Variants in ANKRD52 observed in about 807,000 individuals in gnomAD.
ANKRD52 encodes the protein ankyrin repeat domain 52.
In ANKRD52, 7 loss-of-function variants were observed where a neutral mutation model predicts 116.0. The ratio of observed to expected loss-of-function variants is 0.06; its 90% confidence interval spans 0.03 to 0.11. The LOEUF (loss-of-function observed/expected upper bound fraction) is 0.11, where lower values mean the gene tolerates loss of function less well. ANKRD52 is among the 10% of genes least tolerant of loss of function. ANKRD52 has a pLI of 1.00. For synonymous variants in ANKRD52, 528 were observed against 578.1 expected (o/e 0.91, Z 1.24); for missense variants, 839 against 1,408.6 (o/e 0.60, Z 6.47).
chr12:56,251,924 G>C, intron 15 of ANKRD52, 91 bp downstream of exon 15: 1 of 1,394,082 alleles, frequency 7.2e-7, no homozygotes, highest in Admixed American at 1.8e-5. Flanking sequence ...AGCAGTATAG[G>C]GTAGAGGTTC....
In ANKRD52 at chr12:56,245,029, G is replaced by A. The variant is rs762124991; in HGVS notation, c.2493-40C>T. ...AGGAGGGGTCATCAGGAAGGACAAGGGAAGTAGACTACCTGTCCTAAGCTC... is the reference window on the plus strand; with the variant it reads ...AGGAGGGGTCATCAGGAAGGACAAGAGAAGTAGACTACCTGTCCTAAGCTC... On this transcript the variant is annotated intron_variant, in intron 22 of 27. Coordinates refer to ENST00000267116, the MANE Select transcript of ANKRD52 (RefSeq NM_173595.4). 6 of 1,612,202 alleles carry A rather than the reference G, an allele frequency of 3.7e-6. No individual in the cohort carries two copies. In the East Asian group the frequency reaches 1.1e-4, roughly 30 times the overall value.
Position 56,243,705 on chromosome 12 carries a change from G to T in ANKRD52, c.2980+80C>A. On this transcript the variant is annotated intron_variant, in intron 27 of 27. Transcript: ENST00000267116. This position sits in a 1 kb window ranked among gnomAD's most constrained non-coding sequence, Gnocchi z 4.6. ...CCTTGGGAAGAAAATCCCATGTATAGCAAGATTAAGAAGTCACCTCCTGAA... is the reference window on the plus strand; with the variant it reads ...CCTTGGGAAGAAAATCCCATGTATATCAAGATTAAGAAGTCACCTCCTGAA... 1 of 1,393,110 alleles carries T rather than the reference G, an allele frequency of 7.2e-7. No homozygotes were observed. Among genetic ancestry groups the T allele is most frequent in the Non-Finnish European group, 9.9e-7 (1 of 1,009,334 alleles). 86.3% of individuals were successfully genotyped at this position (1,393,110 alleles called of 1,614,324 possible). A position where few individuals can be genotyped will look rare whatever the true frequency, so the allele number is the denominator to read the frequency against.
chr12:56,257,932 C>CT, intron 1 of ANKRD52, 21 bp from the exon 2 acceptor site: 1 of 1,518,290 alleles, frequency 6.6e-7, no homozygotes, highest in Non-Finnish European at 9.0e-7. Context: ...AACCGGCATT[C>CT]TGAGAGCGGG....
At chr12:56,247,836 C>G (rs1871490295) in intron 18 of ANKRD52, 62 bp from the exon 19 acceptor site, 1 of 1,530,972 alleles carries the variant, frequency 6.5e-7, no homozygotes, top group Non-Finnish European at 8.9e-7. Flanking sequence ...CAAGGTCAAG[C>G]CTAAAGGACT....
At position 56,248,088 on chromosome 12, in the gene ANKRD52, G is replaced by T. The variant is rs747561006; in HGVS notation, c.1913C>A (p.Thr638Lys). 6.2e-7 allele frequency: 1 copy of T among 1,612,858 alleles called. No individual in the cohort carries two copies. The highest frequency in any genetic ancestry group is 1.3e-5 in the African/African-American group (1 of 74,944). The change falls in exon 18 of 28, where the codon ACA becomes AAA. Residue 638 changes from threonine (T) to lysine (K), a missense_variant. Around this residue, in one of 2 missense-constraint regions of ANKRD52, gnomAD observed 552 missense variants for 810.6 expected, o/e 0.68. Coordinates refer to ENST00000267116, the MANE Select transcript of ANKRD52 (RefSeq NM_173595.4). This position sits in a 1 kb window ranked among gnomAD's most constrained non-coding sequence, Gnocchi z 5.1. The part of the protein sequence containing the change: ...RGSTECVEVL[T>K]AHGASALIKE... ...GATGAGGGCAGAGGCGCCGTGGGCT[G>T]TAAGCACCTCCACACACTCAGTAGA...
At position 56,252,202 on chromosome 12, in the gene ANKRD52, T is replaced by C; in HGVS notation, c.1484A>G (p.Tyr495Cys). 1 of 1,613,916 alleles carries C rather than the reference T, an allele frequency of 6.2e-7. No individual in the cohort carries two copies. The highest frequency in any genetic ancestry group is 8.5e-7 in the Non-Finnish European group (1 of 1,179,862). The change falls in exon 14 of 28, where the codon TAC (tyrosine) becomes TGC (cysteine). Residue 495 changes from tyrosine (Y) to cysteine (C), a missense_variant. Physicochemically the swap from Tyr to Cys is radical, Grantham distance 194. Around this residue, in one of 2 missense-constraint regions of ANKRD52, gnomAD observed 552 missense variants for 810.6 expected, o/e 0.68. Coordinates refer to ENST00000267116, the MANE Select transcript of ANKRD52 (RefSeq NM_173595.4). This position sits in a 1 kb window ranked among gnomAD's most constrained non-coding sequence, Gnocchi z 4.7. ...ADCKGCSPLH[Y>C]AAASDTYRRA... ...CCTGTAAGTGTCAGAAGCGGCAGCG[T>C]AGTGGAGGGGAGAGCAGCCTTTACA...
Position 56,257,903 on chromosome 12 carries a change from CA to C in ANKRD52, c.35del (p.Leu12ArgfsTer40). On this transcript the variant is annotated frameshift_variant, in exon 2 of 28. Transcript: ENST00000267116. LOFTEE classifies it high-confidence loss of function. Reference sequence around the variant, plus strand: ...CATCTCGGCTAAAGATGGCCTGGACCAGGGGCGGCTGCAGAGAGAACCGGCA... The same window carrying C: ...CATCTCGGCTAAAGATGGCCTGGACCGGGGCGGCTGCAGAGAGAACCGGCA... ...GILSITDQPP[L>X]VQAIFSRDVE... 6.2e-7 allele frequency: 1 copy of C among 1,607,618 alleles called. No individual in the cohort carries two copies. The highest frequency in any genetic ancestry group is 8.5e-7 in the Non-Finnish European group (1 of 1,178,116).
Position 56,243,845 on chromosome 12 carries a change from C to T in ANKRD52, c.2920G>A (p.Ala974Thr). Residue 974 changes from alanine (A) to threonine (T), a missense_variant, in exon 27 of 28, where the codon GCT becomes ACT. Physicochemically the swap from Ala to Thr is moderately conservative, Grantham distance 58. This residue lies in a region of ANKRD52 where 552 missense variants were observed against 810.6 expected (regional missense o/e 0.68). Coordinates refer to ENST00000267116, the MANE Select transcript of ANKRD52 (RefSeq NM_173595.4). This position sits in a 1 kb window ranked among gnomAD's most constrained non-coding sequence, Gnocchi z 4.6. ...CTCAGCAGGGCCTGTACCACAGAAG[C>T]TAGACCATTCCGGGCAGCAATGTGG... is the stretch of plus-strand genomic sequence containing the variant. ...PLHIAARNGL[A>T]SVVQALLSHG... 1 of 1,566,790 alleles carries T rather than the reference C, an allele frequency of 6.4e-7. No individual in the cohort carries two copies. Among genetic ancestry groups the T allele is most frequent in the Non-Finnish European group, 8.7e-7 (1 of 1,155,432 alleles).
At chr12:56,251,243 T>TTTTTAA (rs962270253) in intron 15 of ANKRD52, among the ~76,000 whole-genome samples, 1 of 151,362 alleles carries the variant, frequency 6.6e-6, no homozygotes, top group South Asian at 2.1e-4. Flanking sequence ...ACCCGGCCTA[T>TTTTTAA]TTTTAATTTT....
chr12:56,246,971 A>G (rs1871437626), intron 20 of ANKRD52, among the ~76,000 whole-genome samples: 1 of 131,486 alleles, frequency 7.6e-6, no homozygotes, highest in African/African-American at 2.8e-5. Context: ...TAATAATAAT[A>G]ATAAACAAAG....
intron 4 of ANKRD52, 92 bp downstream of exon 4, chr12:56,256,923 T>C (rs765710650): frequency 6.6e-6 from 9 of 1,366,306 alleles, no homozygotes; most frequent in Non-Finnish European, 6.9e-6. Context: ...GAACAGCTTG[T>C]AGGGCTGAGG....
Position 56,254,950 on chromosome 12 carries a change from C to T in ANKRD52, c.465G>A (p.Thr155=), listed in dbSNP as rs558536946. ...CTCCCTTGTTGAGGAGCAGGTTCAC[C>T]GTCTGCATCAGGATATGAAAGACAC... is the stretch of plus-strand genomic sequence containing the variant. ...HHAVHSGHLE[T]VNLLLNKGAS... Residue 155 remains threonine, a splice_region_variant and synonymous_variant, in exon 6 of 28, where the codon ACG becomes ACA. Coordinates refer to ENST00000267116, the MANE Select transcript of ANKRD52 (RefSeq NM_173595.4). The surrounding 1 kb of genome is among the most constrained non-coding windows in gnomAD (Gnocchi z 4.6). 2.9e-5 allele frequency: 46 copies of T among 1,612,344 alleles called. No individual in the cohort carries two copies. The Admixed American group carries it at 3.5e-4, about 12-fold the overall frequency.
chr12:56,252,593 G>C lies in ANKRD52; in HGVS notation c.1302-23C>G. 1.2e-6 allele frequency: 2 copies of C among 1,611,646 alleles called. No individual in the cohort carries two copies. Among genetic ancestry groups the C allele is most frequent in the Non-Finnish European group, 1.7e-6 (2 of 1,178,122 alleles). The stretch of plus-strand genomic sequence containing the variant: ...TTCCTAAAAGAAAGATGTGTTAAGA[G>C]AGTTACAGCCTCAAAGGGAAGCCAC... On this transcript the variant is annotated intron_variant, in intron 12 of 27. Transcript: ENST00000267116. The surrounding 1 kb of genome is among the most constrained non-coding windows in gnomAD (Gnocchi z 4.7).
At chr12:56,247,373 A>G (rs1431774976) in intron 20 of ANKRD52, 120 bp downstream of exon 20, 5 of 860,880 alleles carry the variant, frequency 5.8e-6, no homozygotes, top group African/African-American at 1.7e-5. Flanking sequence ...AAGAAAAAGA[A>G]AAAAGACGGC....
chr12:56,245,656 T>C (rs1465312598), intron 20 of ANKRD52, 60 bp from the exon 21 acceptor site: 1 of 1,510,588 alleles, frequency 6.6e-7, no homozygotes, highest in African/African-American at 1.4e-5. Flanking sequence ...ACTGGCCTGT[T>C]GCTGGAGTCT....
At position 56,252,328 on chromosome 12, in the gene ANKRD52, T is replaced by A; in HGVS notation, c.1371-13A>T. On this transcript the variant is annotated splice_polypyrimidine_tract_variant and intron_variant, in intron 13 of 27. Transcript: ENST00000267116. The surrounding 1 kb of genome is among the most constrained non-coding windows in gnomAD (Gnocchi z 4.7). ...GTGCAGTGGGGTCCTGGGGAAGAAG[T>A]GAAGGAGGGTGGGGAAGAGAATCAG... 1 of 1,613,012 alleles carries A rather than the reference T, an allele frequency of 6.2e-7. No homozygotes were observed. The highest frequency in any genetic ancestry group is 1.1e-5 in the South Asian group (1 of 91,068).
Position 56,248,380 on chromosome 12 carries a change from C to G in ANKRD52, c.1776+115G>C. 1 of 1,413,862 alleles carries G rather than the reference C, an allele frequency of 7.1e-7. No homozygotes were observed. Among genetic ancestry groups the G allele is most frequent in the Non-Finnish European group, 9.8e-7 (1 of 1,021,900 alleles). The allele number at this position is 1,413,862 out of a possible 1,614,324, so 87.6% of individuals were successfully genotyped here. On this transcript the variant is annotated intron_variant, in intron 17 of 27. Transcript: ENST00000267116. This position sits in a 1 kb window ranked among gnomAD's most constrained non-coding sequence, Gnocchi z 5.1. ...GCTTCCTACCCTGCACTGTGCTTAT[C>G]CCCTCTCCCACAAAAAGGCAGAAGG...
At position 56,255,718 on chromosome 12, in the gene ANKRD52, G is replaced by A. The variant is rs1289571967; in HGVS notation, c.462+66C>T. ...TCAGGCTTGAGGGCCCAGAAGCAGG[G>A]AAACGTGAGTAGGAAGGTAAGAAAA... On this transcript the variant is annotated intron_variant, in intron 5 of 27. Coordinates refer to ENST00000267116, the MANE Select transcript of ANKRD52 (RefSeq NM_173595.4). This position sits in a 1 kb window ranked among gnomAD's most constrained non-coding sequence, Gnocchi z 4.3. 6.8e-7 allele frequency: 1 copy of A among 1,466,190 alleles called. No individual in the cohort carries two copies. The highest frequency in any genetic ancestry group is 2.5e-5 in the East Asian group (1 of 39,752). 90.8% of individuals were successfully genotyped at this position (1,466,190 alleles called of 1,614,324 possible).
chr12:56,257,470 A>G (rs1872010500), intron 2 of ANKRD52, 109 bp from the exon 3 acceptor site: 2 of 1,009,342 alleles, frequency 2.0e-6, no homozygotes, highest in Non-Finnish European at 3.0e-6. Context: ...CTCTTCCCAT[A>G]GTTTCTGCAG....
Sources: allele counts gnomAD v4.1 joint callset (sites outside exome capture counted in the v4.1 genomes callset), GRCh38; gene constraint gnomAD v4.1.1; regional missense constraint gnomAD v4.1.1; non-coding constraint Gnocchi (gnomAD v3.1); transcripts MANE v1.5; gene names NCBI Gene and HGNC (gene_info 2026-07-23, HGNC 2026-07-21).